Variants in ATF7IP observed in about 807,000 individuals in gnomAD.
The protein encoded by ATF7IP is activating transcription factor 7-interacting protein 1.
Under a neutral mutation model 106.4 loss-of-function variants are expected in ATF7IP, and 23 were observed. The ratio of observed to expected loss-of-function variants is 0.22; its 90% CI spans 0.16 to 0.31. ATF7IP has a LOEUF of 0.31. Ranked by LOEUF, ATF7IP falls within the 10% of genes least tolerant of loss-of-function variation. The pLI, the probability that ATF7IP is intolerant of heterozygous loss-of-function variation, is 1.00. For synonymous variants in ATF7IP, 542 were observed against 539.0 expected (o/e 1.01, Z -0.08); for missense variants, 1,334 against 1,524.3 (o/e 0.88, Z 2.08).
rs1941770114 is a variant in ATF7IP, at chr12:14,425,114, A to T, written c.1199A>T (p.Asp400Val). 1.9e-6 allele frequency: 3 copies of T among 1,588,454 alleles called. No homozygotes were observed. The highest frequency in any genetic ancestry group is 2.6e-6 in the Non-Finnish European group (3 of 1,173,176). Reference sequence around the variant, plus strand: ...ATTGACCAAGGTGAAAAGAATGAAGATGAAACTTCTGCAGATCTTGTAGAA... The same window carrying T: ...ATTGACCAAGGTGAAAAGAATGAAGTTGAAACTTCTGCAGATCTTGTAGAA... ...MEIDQGEKNE[D>V]ETSADLVETI... Residue 400 changes from aspartate to valine, a missense_variant, in exon 2 of 15, where the codon GAT becomes GTT. Transcript: ENST00000261168.
intron 13 of ATF7IP, among the ~76,000 whole-genome samples, chr12:14,490,953 C>A (rs540139958): frequency 9.3e-4 from 141 of 152,260 alleles, no homozygotes; most frequent in Non-Finnish European, 1.4e-3. Context: ...ACCAAAGCCC[C>A]TTTAACAGGC....
At chr12:14,365,967 A>G (rs1938268748) in intron 1 of ATF7IP, 140 bp downstream of exon 1, 1 of 152,364 alleles carries the variant, frequency 6.6e-6, no homozygotes, top group African/African-American at 2.4e-5. Flanking sequence ...GCGGCGCTGC[A>G]TGGGAGCACG....
chr12:14,500,274 G>A lies in ATF7IP; in HGVS notation c.*2201G>A, dbSNP rs1384753419. On this transcript the variant is annotated 3_prime_UTR_variant, in exon 15 of 15. Transcript: ENST00000261168. ...CTCTTTAGAGACTTTTGACTGGTCAGTATACTGAGGTGTGAGATTTGATTC... is the reference window on the plus strand; with the variant it reads ...CTCTTTAGAGACTTTTGACTGGTCAATATACTGAGGTGTGAGATTTGATTC... 6.6e-6 allele frequency: 1 copy of A among 152,188 alleles called. No homozygotes were observed. Among genetic ancestry groups the A allele is most frequent in the Non-Finnish European group, 1.5e-5 (1 of 68,032 alleles). The allele number at this position is 152,188 out of a possible 1,614,324, so 9.4% of individuals were successfully genotyped here. A position where few individuals can be genotyped will look rare whatever the true frequency, so the allele number is the denominator to read the frequency against.
intron 10 of ATF7IP, among the ~76,000 whole-genome samples, chr12:14,471,417 T>C (rs1236148776): frequency 1.3e-5 from 2 of 152,212 alleles, no homozygotes; most frequent in Non-Finnish European, 2.9e-5. Context: ...CAGTTTTGCT[T>C]CATAGGTTTT....
At chr12:14,493,649 C>G (rs760819283) in intron 13 of ATF7IP, among the ~76,000 whole-genome samples, 1 of 152,164 alleles carries the variant, frequency 6.6e-6, no homozygotes, top group Non-Finnish European at 1.5e-5. Context: ...CAGGGTGCTT[C>G]TACACACCCC....
At chr12:14,422,247 G>A (rs981267427) in intron 1 of ATF7IP, among the ~76,000 whole-genome samples, 9 of 149,790 alleles carry the variant, frequency 6.0e-5, no homozygotes, top group Admixed American at 4.0e-4. Context: ...GCCAAGTAAA[G>A]GTTCATACTT....
At chr12:14,375,688 AAAATGTGGTGTTACCACCT>A (rs879478077) in intron 1 of ATF7IP, among the ~76,000 whole-genome samples, 1 of 152,200 alleles carries the variant, frequency 6.6e-6, no homozygotes. Flanking sequence ...CTTTATCTTT[AAAATGTGGTGTTACCACCT>A]ACATGGTAGT....
In ATF7IP at chr12:14,425,084, T is replaced by C. The variant is rs762769025; in HGVS notation, c.1169T>C (p.Met390Thr). 1.6e-5 allele frequency: 26 copies of C among 1,592,540 alleles called. No homozygotes were observed. Among genetic ancestry groups the C allele is most frequent in the Admixed American group, 3.7e-5 (2 of 53,534 alleles). Reference sequence around the variant, plus strand: ...GGAGAAGATGCTATATCTAGCAGTATGGAAATTGACCAAGGTGAAAAGAAT... The same window carrying C: ...GGAGAAGATGCTATATCTAGCAGTACGGAAATTGACCAAGGTGAAAAGAAT... ...ALGEDAISSS[M>T]EIDQGEKNED... is the part of the protein sequence containing the mutation. Residue 390 changes from methionine (M) to threonine (T), a missense_variant, in exon 2 of 15, where the codon ATG (methionine) becomes ACG (threonine). By Grantham distance (81) the Met-to-Thr change is moderately conservative (BLOSUM62 -1). Transcript: ENST00000261168.
chr12:14,366,845 GT>G (rs974646360), intron 1 of ATF7IP, among the ~76,000 whole-genome samples: 5 of 151,962 alleles, frequency 3.3e-5, no homozygotes, highest in African/African-American at 9.7e-5. Flanking sequence ...AAAAAAATCT[GT>G]TTTTTTCTTT....
intron 9 of ATF7IP, chr12:14,466,294 A>T: frequency 2.4e-6 from 1 of 412,752 alleles, no homozygotes; most frequent in Non-Finnish European, 4.3e-6. Flanking sequence ...TAGAGTTAAA[A>T]TTGCTGGGCC....
intron 1 of ATF7IP, among the ~76,000 whole-genome samples, chr12:14,387,272 G>T (rs950696226): frequency 1.3e-5 from 2 of 151,984 alleles, no homozygotes; most frequent in Admixed American, 6.6e-5. Context: ...TTTCAGTAAG[G>T]TTATCCTTGG....
At chr12:14,469,831 G>A (rs984229168) in intron 10 of ATF7IP, among the ~76,000 whole-genome samples, 2 of 152,190 alleles carry the variant, frequency 1.3e-5, no homozygotes, top group East Asian at 1.9e-4. Flanking sequence ...CTTCCAAGTC[G>A]TCTGTCTGGG....
intron 6 of ATF7IP, among the ~76,000 whole-genome samples, chr12:14,455,542 A>G (rs1233876195): frequency 6.6e-6 from 1 of 152,136 alleles, no homozygotes; most frequent in Non-Finnish European, 1.5e-5. Context: ...TGTTATTCTT[A>G]CACTTGACTT....
intron 1 of ATF7IP, among the ~76,000 whole-genome samples, chr12:14,404,132 CTT>C (rs11344521): frequency 5.0e-4 from 73 of 146,432 alleles, no homozygotes; most frequent in Admixed American, 4.7e-4. Context: ...CATTTGTAAG[CTT>C]TTTTTTTTTT....
intron 5 of ATF7IP, among the ~76,000 whole-genome samples, chr12:14,439,221 T>C (rs1024883350): frequency 1.3e-5 from 2 of 152,180 alleles, no homozygotes; most frequent in South Asian, 2.1e-4. Flanking sequence ...ATGGTTCCTA[T>C]TGGGTTATTT....
At chr12:14,401,726 T>C (rs1940215360) in intron 1 of ATF7IP, among the ~76,000 whole-genome samples, 1 of 144,350 alleles carries the variant, frequency 6.9e-6, no homozygotes, top group South Asian at 2.3e-4. Flanking sequence ...TTTTTTTTTT[T>C]TTTTTTTTTG....
intron 13 of ATF7IP, among the ~76,000 whole-genome samples, chr12:14,486,874 C>G (rs1284701980): frequency 6.6e-6 from 1 of 152,108 alleles, no homozygotes; most frequent in Non-Finnish European, 1.5e-5. Context: ...AATTAGAGGG[C>G]TCTTCAAAGA....
Position 14,385,798 on chromosome 12 carries a change from A to G in ATF7IP, c.-8+19971A>G, listed in dbSNP as rs1174985565. ...GTAAGCCTTGTTTTGCACAAAGACT[A>G]CAATTTTTCTACGGTTTTGTGAGGT... On this transcript the variant is annotated intron_variant, in intron 1 of 14. Coordinates refer to ENST00000261168, the MANE Select transcript of ATF7IP (RefSeq NM_018179.5). 2.0e-5 allele frequency among the ~76,000 whole-genome samples: 3 copies of G among 152,102 alleles called. No individual in the cohort carries two copies. The East Asian group carries it at 5.8e-4, about 29-fold the overall frequency.
At chr12:14,373,542 A>G (rs1938613285) in intron 1 of ATF7IP, among the ~76,000 whole-genome samples, 1 of 152,222 alleles carries the variant, frequency 6.6e-6, no homozygotes, top group African/African-American at 2.4e-5. Context: ...TCATTGGGAC[A>G]TATTTAGCTG....
Sources: gnomAD v4.1 joint callset for allele counts (sites outside exome capture counted in the v4.1 genomes callset) on GRCh38, gnomAD v4.1.1 for gene constraint, MANE v1.5 for transcripts, NCBI Gene and HGNC (gene_info 2026-07-23, HGNC 2026-07-21) for gene names.